The following PRKACB variants were observed in gnomAD, a reference collection of about 807,000 sequenced individuals.
PRKACB encodes cAMP-dependent protein kinase catalytic subunit beta.
PRKACB carries 16 observed loss-of-function variants against 51.4 expected under a neutral mutation model. The ratio of observed to expected loss-of-function variants is 0.31; its 90% CI spans 0.21 to 0.47. The LOEUF is 0.47. PRKACB is among the 20% of genes least tolerant of loss of function. The pLI is 1.00. For missense variants in PRKACB, 309 were observed against 464.5 expected (o/e 0.67, Z 3.08); for synonymous variants, 147 against 154.4 (o/e 0.95, Z 0.35).
chr1:84,161,825 C>A (rs1479314668), intron 1 of PRKACB, among the ~76,000 whole-genome samples: 1 of 151,836 alleles, frequency 6.6e-6, no homozygotes, highest in Non-Finnish European at 1.5e-5. Flanking sequence ...TTGCCTCATA[C>A]AACTTTAAGT....
intron 1 of PRKACB, among the ~76,000 whole-genome samples, chr1:84,086,597 T>C (rs1648015160): frequency 6.6e-6 from 1 of 152,224 alleles, no homozygotes; most frequent in Admixed American, 6.5e-5. Context: ...TGCATTTCTC[T>C]TTCTTGCTGC....
At chr1:84,091,284 G>A (rs1648449742) in intron 1 of PRKACB, among the ~76,000 whole-genome samples, 1 of 152,280 alleles carries the variant, frequency 6.6e-6, no homozygotes, top group South Asian at 2.1e-4. Flanking sequence ...TCAGCTTTTA[G>A]AATATAACAT....
intron 9 of PRKACB, among the ~76,000 whole-genome samples, chr1:84,223,590 C>T (rs1178793788): frequency 4.6e-5 from 7 of 151,902 alleles, no homozygotes; most frequent in African/African-American, 9.7e-5. Flanking sequence ...AGGATGGTCT[C>T]GATCTCCTGA....
intron 9 of PRKACB, among the ~76,000 whole-genome samples, chr1:84,224,823 C>G (rs564347559): frequency 1.3e-5 from 2 of 152,318 alleles, no homozygotes; most frequent in East Asian, 3.9e-4. Context: ...CCCCAAGCCT[C>G]CAGACAGTGC....
intron 1 of PRKACB, among the ~76,000 whole-genome samples, chr1:84,101,290 T>C (rs949171769): frequency 2.0e-5 from 3 of 152,150 alleles, no homozygotes; most frequent in African/African-American, 4.8e-5. Flanking sequence ...TTTCAACTGA[T>C]TGAGTCAGAT....
intron 1 of PRKACB, among the ~76,000 whole-genome samples, chr1:84,131,677 A>C (rs1484839554): frequency 6.6e-6 from 1 of 152,186 alleles, no homozygotes; most frequent in South Asian, 2.1e-4. Context: ...TGGAGAGAAA[A>C]GCAAATCCAG....
chr1:84,221,865 A>G (rs1673775373), intron 9 of PRKACB, among the ~76,000 whole-genome samples: 1 of 152,132 alleles, frequency 6.6e-6, no homozygotes, highest in Non-Finnish European at 1.5e-5. Context: ...ATCCTGGAGA[A>G]TGTTCCATGT....
chr1:84,131,611 G>A (rs1652218124), intron 1 of PRKACB, among the ~76,000 whole-genome samples: 1 of 152,138 alleles, frequency 6.6e-6, no homozygotes, highest in Admixed American at 6.5e-5. Context: ...GTGTTTTGTT[G>A]TTTTCTTCCC....
intron 1 of PRKACB, among the ~76,000 whole-genome samples, chr1:84,119,515 C>G (rs149843078): frequency 6.6e-6 from 1 of 152,138 alleles, no homozygotes; most frequent in African/African-American, 2.4e-5. Context: ...ATGCTACTGT[C>G]CTTCATATAA....
At chr1:84,092,679 A>G (rs1465729001) in intron 1 of PRKACB, among the ~76,000 whole-genome samples, 4 of 152,150 alleles carry the variant, frequency 2.6e-5, no homozygotes, top group Non-Finnish European at 5.9e-5. Context: ...ATAAATTTTC[A>G]GATTGGTTGA....
chr1:84,222,697 T>C (rs1673921097), intron 9 of PRKACB, among the ~76,000 whole-genome samples: 1 of 152,242 alleles, frequency 6.6e-6, no homozygotes, highest in Non-Finnish European at 1.5e-5. Context: ...GCTGTAATAG[T>C]GGTAATTCCC....
In PRKACB at chr1:84,144,334, AC is replaced by A. The variant is rs778856084; in HGVS notation, c.-27del. The A allele has an allele frequency of 5.0e-6, 8 of 1,603,260 alleles. No individual in the cohort carries two copies. Among genetic ancestry groups the A allele is most frequent in the Non-Finnish European group, 6.8e-6 (8 of 1,176,832 alleles). ...GCTCCTTCTGGAAACATTTGCAGTT[AC>A]ATTAAGTAAAGTGTAAATGCACATG... On this transcript the variant is annotated 5_prime_UTR_variant, in exon 1 of 10. Coordinates refer to ENST00000370685, the MANE Select transcript of PRKACB (RefSeq NM_182948.4).
intron 9 of PRKACB, among the ~76,000 whole-genome samples, chr1:84,216,374 A>C (rs1453943428): frequency 1.3e-5 from 2 of 152,050 alleles, no homozygotes; most frequent in African/African-American, 4.8e-5. Context: ...TTACAAAAAC[A>C]AAACAATTAA....
chr1:84,182,317 G>C lies in PRKACB; in HGVS notation c.367G>C (p.Asp123His). 6.4e-7 allele frequency: 1 copy of C among 1,569,628 alleles called. No homozygotes were observed. Among genetic ancestry groups the C allele is most frequent in the Non-Finnish European group, 8.6e-7 (1 of 1,158,342 alleles). Residue 123 changes from aspartate to histidine, a missense_variant, in exon 3 of 10, where the codon GAT becomes CAT. Coordinates refer to ENST00000370685, the MANE Select transcript of PRKACB (RefSeq NM_182948.4). ...ACAGTATTATGCCATGAAGATCTTA[G>C]ATAAGCAGAAGGTGAGTGTATTTGT... ...TEQYYAMKIL[D>H]KQKVVKLKQI...
intron 1 of PRKACB, among the ~76,000 whole-genome samples, chr1:84,129,153 T>G (rs1329662171): frequency 6.6e-6 from 1 of 152,288 alleles, no homozygotes; most frequent in East Asian, 1.9e-4. Context: ...CCATATCTCT[T>G]TTTATGTTGA....
chr1:84,203,615 A>C (rs1054139157), intron 8 of PRKACB, among the ~76,000 whole-genome samples: 1 of 151,972 alleles, frequency 6.6e-6, no homozygotes, highest in Non-Finnish European at 1.5e-5. Context: ...GAGACCTTCT[A>C]TACATTAATG....
upstream of PRKACB, among the ~76,000 whole-genome samples, chr1:84,143,312 C>G (rs1653617450): frequency 6.6e-6 from 1 of 152,026 alleles, no homozygotes; most frequent in South Asian, 2.1e-4. Context: ...ATTAGCCGGG[C>G]ATGGTGGTGC....
intron 1 of PRKACB, among the ~76,000 whole-genome samples, chr1:84,110,835 C>T (rs993055117): frequency 6.6e-6 from 1 of 152,022 alleles, no homozygotes; most frequent in Non-Finnish European, 1.5e-5. Context: ...TGAATCTGCA[C>T]TTCCTATTTT....
At chr1:84,176,020 G>A (rs912210063) in intron 1 of PRKACB, among the ~76,000 whole-genome samples, 1 of 151,700 alleles carries the variant, frequency 6.6e-6, no homozygotes, top group Admixed American at 6.6e-5. Context: ...CTTAAGAAGA[G>A]TTACTAATCA....
Sources: allele counts gnomAD v4.1 joint callset (sites outside exome capture counted in the v4.1 genomes callset), GRCh38; gene constraint gnomAD v4.1.1; transcripts MANE v1.5; gene names NCBI Gene and HGNC (gene_info 2026-07-23, HGNC 2026-07-21).